Variants in PTK2 observed in about 807,000 individuals in gnomAD.
The protein encoded by PTK2 is focal adhesion kinase 1.
In PTK2, 45 loss-of-function variants were observed where a neutral mutation model predicts 150.1. That is an observed-to-expected ratio of 0.30 (90% confidence interval 0.24 to 0.38). The LOEUF is 0.38. PTK2 is among the 10% of genes least tolerant of loss of function. PTK2 has a pLI of 1.00. For missense variants in PTK2, 919 were observed against 1,307.3 expected, an observed-to-expected ratio of 0.70 and a Z score of 4.58; for synonymous variants, 432 against 449.2, an observed-to-expected ratio of 0.96 and a Z score of 0.48.
chr8:140,813,120 A>G (rs2100102564), intron 10 of PTK2, among the ~76,000 whole-genome samples: 1 of 152,238 alleles, frequency 6.6e-6, no homozygotes, highest in Non-Finnish European at 1.5e-5. Context: ...AAAATCAATT[A>G]TATAATTGAA....
chr8:140,938,149 G>A (rs1181489300), intron 1 of PTK2, among the ~76,000 whole-genome samples: 1 of 152,056 alleles, frequency 6.6e-6, no homozygotes, highest in African/African-American at 2.4e-5. Flanking sequence ...CAAATAGAAG[G>A]CGTCCATCAC....
chr8:140,795,849 C>T (rs2100091249), intron 12 of PTK2, among the ~76,000 whole-genome samples: 1 of 152,226 alleles, frequency 6.6e-6, no homozygotes. Context: ...CCTGAACATA[C>T]CACACATGCC....
At chr8:140,686,249 G>A (rs2100019744) in intron 27 of PTK2, among the ~76,000 whole-genome samples, 1 of 152,158 alleles carries the variant, frequency 6.6e-6, no homozygotes, top group South Asian at 2.1e-4. Context: ...AGGGTGGAGG[G>A]TGGGAGGAGG....
chr8:140,960,763 C>T (rs1054788175), intron 1 of PTK2, among the ~76,000 whole-genome samples: 2 of 152,138 alleles, frequency 1.3e-5, no homozygotes, highest in Admixed American at 6.5e-5. Flanking sequence ...GGGCAGATCA[C>T]CTGAGGTCAG....
intron 1 of PTK2, among the ~76,000 whole-genome samples, chr8:140,970,842 G>A (rs1278996579): frequency 1.3e-5 from 2 of 148,492 alleles, no homozygotes; most frequent in African/African-American, 2.4e-5. Context: ...ACCATGTTAA[G>A]TTGTCTGACT....
intron 7 of PTK2, among the ~76,000 whole-genome samples, chr8:140,831,926 C>T (rs192598536): frequency 3.3e-5 from 5 of 152,260 alleles, no homozygotes; most frequent in African/African-American, 7.2e-5. Context: ...CCAATCACTA[C>T]GGAAAAGTAG....
rs768084358 is a variant in PTK2, at chr8:140,721,287, AACT to A, written c.2031-3581_2031-3579del. On this transcript the variant is annotated intron_variant, in intron 22 of 31. Transcript: ENST00000522684. ...ATCACCTATGAAGTGTTAGCAATAC[AACT>A]ACTAAGACTGGCTATCAATCAAACC... Among the ~76,000 whole-genome samples, 124 of 152,308 alleles carry A rather than the reference AACT, an allele frequency of 8.1e-4. 1 individual carries two copies. In the Middle Eastern group the frequency reaches 0.02, roughly 25 times the overall value.
chr8:140,746,175 T>G (rs1321345760), intron 18 of PTK2, among the ~76,000 whole-genome samples: 2 of 151,970 alleles, frequency 1.3e-5, no homozygotes, highest in African/African-American at 4.8e-5. Context: ...CTATAAAGAA[T>G]TAAAAAATTA....
intron 16 of PTK2, among the ~76,000 whole-genome samples, chr8:140,759,596 C>T (rs990839358): frequency 2.0e-5 from 3 of 150,384 alleles, no homozygotes; most frequent in African/African-American, 7.4e-5. Flanking sequence ...GTGGCTCATG[C>T]CTGCAATCCC....
At chr8:140,926,378 T>A (rs1362079454) in intron 1 of PTK2, among the ~76,000 whole-genome samples, 4 of 152,096 alleles carry the variant, frequency 2.6e-5, no homozygotes, top group African/African-American at 9.7e-5. Context: ...CCACCTATAG[T>A]ATCACCTACC....
intron 7 of PTK2, among the ~76,000 whole-genome samples, chr8:140,836,106 G>A (rs2100118530): frequency 6.6e-6 from 1 of 152,046 alleles, no homozygotes; most frequent in South Asian, 2.1e-4. Context: ...TTTTTAAAAT[G>A]TATGCTTACA....
intron 4 of PTK2, among the ~76,000 whole-genome samples, chr8:140,871,586 C>G (rs2100142519): frequency 6.6e-6 from 1 of 152,140 alleles, no homozygotes; most frequent in Non-Finnish European, 1.5e-5. Context: ...ACTGCTTCAG[C>G]CCAGGAGCTT....
At chr8:140,699,713 T>C (rs2100029068) in intron 26 of PTK2, among the ~76,000 whole-genome samples, 1 of 152,126 alleles carries the variant, frequency 6.6e-6, no homozygotes, top group African/African-American at 2.4e-5. Flanking sequence ...ACCAAACAAA[T>C]GCTCATATTT....
chr8:140,971,229 GCAGA>G (rs1024672066), intron 1 of PTK2, among the ~76,000 whole-genome samples: 1 of 152,356 alleles, frequency 6.6e-6, no homozygotes, highest in South Asian at 2.1e-4. Flanking sequence ...TATATGGGGA[GCAGA>G]CAAATGATTT....
At chr8:140,932,073 A>G (rs916742654) in intron 1 of PTK2, among the ~76,000 whole-genome samples, 1 of 151,866 alleles carries the variant, frequency 6.6e-6, no homozygotes, top group Non-Finnish European at 1.5e-5. Flanking sequence ...CCATTTCCAC[A>G]TTCTACTCTT....
rs187686544 is a variant in PTK2, at chr8:140,710,434, C to T, written c.2143-4229G>A. ...GTGATGGTTCAAGACTTTGGGAGGC[C>T]GTGGTGGGCAGATCACCTGAGGTCA... On this transcript the variant is annotated intron_variant, in intron 23 of 31. Coordinates refer to ENST00000522684, the Ensembl canonical transcript of PTK2. Among the ~76,000 whole-genome samples, 48 of 151,610 alleles carry T rather than the reference C, an allele frequency of 3.2e-4. No individual in the cohort carries two copies. The East Asian group carries it at 8.7e-3, about 28-fold the overall frequency.
chr8:140,771,622 G>T (rs963105135), intron 14 of PTK2, among the ~76,000 whole-genome samples: 1 of 152,116 alleles, frequency 6.6e-6, no homozygotes, highest in African/African-American at 2.4e-5. Context: ...CATAAAGAAA[G>T]ATCAGAAGTA....
chr8:140,808,077 G>A (rs898230886), intron 10 of PTK2, among the ~76,000 whole-genome samples: 9 of 152,274 alleles, frequency 5.9e-5, no homozygotes, highest in South Asian at 2.1e-4. Context: ...TAAATGACAC[G>A]AAAACATGAG....
chr8:140,773,412 T>C (rs1234930337), intron 14 of PTK2, among the ~76,000 whole-genome samples: 1 of 152,108 alleles, frequency 6.6e-6, no homozygotes, highest in Non-Finnish European at 1.5e-5. Context: ...TGTCAACATG[T>C]AAGTGCTAGG....
Sources: gnomAD v4.1 joint callset for allele counts (sites outside exome capture counted in the v4.1 genomes callset) on GRCh38, gnomAD v4.1.1 for gene constraint, MANE v1.5 for transcripts, NCBI Gene and HGNC (gene_info 2026-07-23, HGNC 2026-07-21) for gene names.